The following RPS6KA2 variants were observed in gnomAD, a reference collection of about 807,000 sequenced individuals.
The protein encoded by RPS6KA2 is ribosomal protein S6 kinase alpha-2.
In RPS6KA2, 42 loss-of-function variants were observed where a neutral mutation model predicts 91.8. The observed-to-expected ratio is 0.46, with a 90% CI of 0.36 to 0.59. The LOEUF (loss-of-function observed/expected upper bound fraction) is 0.59, where lower values mean the gene tolerates loss of function less well. Among genes scored for constraint, RPS6KA2 ranks in the 20% least tolerant of loss-of-function variants. The pLI is 0.00. For synonymous variants in RPS6KA2, 414 were observed against 393.6 expected, an observed-to-expected ratio of 1.05 and a Z score of -0.61; for missense variants, 798 against 978.5, an observed-to-expected ratio of 0.82 and a Z score of 2.46.
At chr6:166,683,122 C>T (rs1458993845) in intron 2 of RPS6KA2, among the ~76,000 whole-genome samples, 1 of 152,180 alleles carries the variant, frequency 6.6e-6, no homozygotes, top group Non-Finnish European at 1.5e-5. Flanking sequence ...AAGCGCTGCT[C>T]AGGGGTCACA....
chr6:166,702,658 A>G (rs1789560056), intron 2 of RPS6KA2: 4 of 1,566,596 alleles, frequency 2.6e-6, no homozygotes, highest in East Asian at 2.2e-5. Context: ...GTGCAGTTCT[A>G]TTTTACCTGA....
intron 2 of RPS6KA2, among the ~76,000 whole-genome samples, chr6:166,682,911 A>G (rs554203204): frequency 2.0e-4 from 31 of 152,322 alleles, no homozygotes; most frequent in African/African-American, 7.5e-4. Context: ...TTCCAGCTTT[A>G]TAACCACATT....
chr6:166,487,038 T>C (rs1781437880), intron 10 of RPS6KA2, among the ~76,000 whole-genome samples: 1 of 152,236 alleles, frequency 6.6e-6, no homozygotes. Context: ...TGATTGATGC[T>C]TACTTCATCT....
At chr6:166,680,728 G>A (rs368515464) in intron 2 of RPS6KA2, among the ~76,000 whole-genome samples, 1 of 152,164 alleles carries the variant, frequency 6.6e-6, no homozygotes, top group East Asian at 1.9e-4. Flanking sequence ...GGACATATCT[G>A]AACATCTGAA....
intron 2 of RPS6KA2, among the ~76,000 whole-genome samples, chr6:166,760,197 C>T (rs534588894): frequency 1.3e-5 from 2 of 152,184 alleles, no homozygotes; most frequent in African/African-American, 2.4e-5. Context: ...TTAGGCAAAT[C>T]AGGGGCACCT....
chr6:166,461,138 C>T (rs899966145), intron 11 of RPS6KA2, among the ~76,000 whole-genome samples: 3 of 152,142 alleles, frequency 2.0e-5, no homozygotes, highest in Admixed American at 6.5e-5. Flanking sequence ...GAGCTCAGGG[C>T]GTGCACGCGG....
At chr6:166,794,468 C>G (rs936792157) in intron 2 of RPS6KA2, among the ~76,000 whole-genome samples, 1 of 151,622 alleles carries the variant, frequency 6.6e-6, no homozygotes, top group Non-Finnish European at 1.5e-5. Flanking sequence ...GGATCTAGAA[C>G]TAGGAATACC....
chr6:166,475,652 G>T, intron 10 of RPS6KA2: 1 of 380,860 alleles, frequency 2.6e-6, no homozygotes. Flanking sequence ...GCCAGCACCT[G>T]CTACGGGCAT....
intron 2 of RPS6KA2, among the ~76,000 whole-genome samples, chr6:166,685,140 C>A (rs1788966283): frequency 6.6e-6 from 1 of 152,168 alleles, no homozygotes; most frequent in South Asian, 2.1e-4. Context: ...TCAGACATGA[C>A]CCTGATGGAG....
chr6:166,492,756 C>T (rs1206160272), intron 8 of RPS6KA2, among the ~76,000 whole-genome samples: 1 of 147,804 alleles, frequency 6.8e-6, no homozygotes, highest in African/African-American at 2.6e-5. Context: ...CTCGCTGTTG[C>T]CCAGGCTGGA....
Position 166,412,809 on chromosome 6 carries a change from G to C in RPS6KA2, c.2155C>G (p.Leu719Val). ...CTCTTCATGCCTCTGCGCTGAGCCA[G>C]GTTGGATGACAGCACGGGCTCCAGC... The part of the protein sequence containing the change: ...PRLEPVLSSN[L>V]AQRRGMKRLT... The change falls in exon 21 of 21, where the codon CTG becomes GTG. Residue 719 changes from leucine (L) to valine (V), a missense_variant. Coordinates refer to ENST00000265678, the MANE Select transcript of RPS6KA2 (RefSeq NM_021135.6). The surrounding 1 kb of genome is among the most constrained non-coding windows in gnomAD (Gnocchi z 4.3). The C allele has an allele frequency of 1.3e-6, 2 of 1,593,284 alleles. No individual in the cohort carries two copies. The highest frequency in any genetic ancestry group is 1.7e-6 in the Non-Finnish European group (2 of 1,171,086).
intron 6 of RPS6KA2, among the ~76,000 whole-genome samples, chr6:166,502,946 G>C (rs912977499): frequency 6.6e-6 from 1 of 152,150 alleles, no homozygotes; most frequent in Non-Finnish European, 1.5e-5. Context: ...TTAGGATTTG[G>C]GGATTTTGCA....
chr6:166,530,452 G>A (rs915984946), intron 3 of RPS6KA2, among the ~76,000 whole-genome samples: 3 of 152,168 alleles, frequency 2.0e-5, no homozygotes, highest in African/African-American at 4.8e-5. Flanking sequence ...TCACCGTCTC[G>A]GCACCTAAGT....
intron 1 of RPS6KA2, among the ~76,000 whole-genome samples, chr6:166,614,174 C>T (rs1786310840): frequency 6.6e-6 from 1 of 152,230 alleles, no homozygotes; most frequent in African/African-American, 2.4e-5. Context: ...CTCATGGCTC[C>T]CTGCCATGCC....
At chr6:166,826,380 G>A (rs1476935960) in intron 2 of RPS6KA2, among the ~76,000 whole-genome samples, 3 of 152,092 alleles carry the variant, frequency 2.0e-5, no homozygotes, top group East Asian at 1.9e-4. Flanking sequence ...TTCCTAGGAC[G>A]TCCTGAGCAC....
At chr6:166,764,427 G>A (rs116373047) in intron 2 of RPS6KA2, among the ~76,000 whole-genome samples, 177 of 150,876 alleles carry the variant, frequency 1.2e-3, no homozygotes, top group African/African-American at 4.3e-3. Flanking sequence ...GCTGGAACGC[G>A]GGGATCAGGT....
intron 10 of RPS6KA2, among the ~76,000 whole-genome samples, 164 bp from the exon 11 acceptor site, chr6:166,470,069 C>T (rs1473979605): frequency 6.6e-6 from 1 of 152,188 alleles, no homozygotes; most frequent in Admixed American, 6.5e-5. Context: ...CCTGCCGATG[C>T]CCCCAGCTCA....
Position 166,647,386 on chromosome 6 carries a change from G to GC in RPS6KA2, c.124-108603dup, listed in dbSNP as rs1199463865. ...CTTCATCTCTTCTTGCCGGGTTAGT[G>GC]CAGTTCTCTGCTGGTGGGGATGTGG... is the stretch of plus-strand genomic sequence containing the variant. On this transcript the variant is annotated intron_variant, in intron 2 of 21. Transcript: ENST00000503859. Among the ~76,000 whole-genome samples, 19 of 152,220 alleles carry GC rather than the reference G, an allele frequency of 1.2e-4. No individual in the cohort carries two copies. The East Asian group carries it at 3.7e-3, about 29-fold the overall frequency.
At chr6:166,702,480 T>G in intron 2 of RPS6KA2, 2 of 1,583,234 alleles carry the variant, frequency 1.3e-6, no homozygotes, top group Non-Finnish European at 1.7e-6. Context: ...CATTTACAAC[T>G]GCAGTTTCCG....
Sources: gnomAD v4.1 joint callset for allele counts (sites outside exome capture counted in the v4.1 genomes callset) on GRCh38, gnomAD v4.1.1 for gene constraint, Gnocchi (gnomAD v3.1) non-coding constraint, MANE v1.5 for transcripts, NCBI Gene and HGNC (gene_info 2026-07-23, HGNC 2026-07-21) for gene names.